CCZ1B: variants seen among roughly 807,000 people sequenced by gnomAD.
The protein encoded by CCZ1B is vacuolar fusion protein CCZ1 homolog B.
A neutral mutation model predicts 58.8 loss-of-function variants in CCZ1B; 25 were observed. The observed-to-expected ratio is 0.43, with a 90% confidence interval of 0.31 to 0.59. CCZ1B has a LOEUF of 0.59. CCZ1B is among the 20% of genes least tolerant of loss of function. The pLI is 0.12. For missense variants in CCZ1B, 180 were observed against 501.5 expected, an observed-to-expected ratio of 0.36 and a Z score of 6.12; for synonymous variants, 66 against 173.2, an observed-to-expected ratio of 0.38 and a Z score of 4.86.
At position 6,817,908 on chromosome 7, in the gene CCZ1B, G is replaced by T. The variant is rs1181518620; in HGVS notation, c.698+1858C>A. ...AATCCCAGCTACTCGGGAGGCTGAG[G>T]CAGGAGAATTGCTTGAACCCAGGAG... On this transcript the variant is annotated intron_variant, in intron 7 of 14. Transcript: ENST00000316731. Among the ~76,000 whole-genome samples, 12 of 148,966 alleles carry T rather than the reference G, an allele frequency of 8.1e-5. 1 individual carries two copies. The highest frequency in any genetic ancestry group is 1.6e-4 in the Non-Finnish European group (11 of 67,566).
intron 10 of CCZ1B, among the ~76,000 whole-genome samples, chr7:6,809,559 T>A (rs1281549756): frequency 2.1e-5 from 3 of 139,806 alleles, no homozygotes; most frequent in Non-Finnish European, 4.5e-5. Flanking sequence ...TCTCAAACTT[T>A]CACTCGATAC....
In CCZ1B at chr7:6,816,309, G is replaced by A. The variant is rs576687156; in HGVS notation, c.699-1464C>T. Among the ~76,000 whole-genome samples, 47 of 149,114 alleles carry A rather than the reference G, an allele frequency of 3.2e-4. 2 individuals carry two copies. The highest frequency in any genetic ancestry group is 1.8e-3 in the Admixed American group (27 of 14,970). Reference sequence around the variant, plus strand: ...AGCCTGGCCAACATGGCAAAACACCGTCTCTACTAAAAAATATAAAAATTT... The same window carrying A: ...AGCCTGGCCAACATGGCAAAACACCATCTCTACTAAAAAATATAAAAATTT... On this transcript the variant is annotated intron_variant, in intron 7 of 14. Transcript: ENST00000316731.
In CCZ1B at chr7:6,812,874, C is replaced by G. The variant is rs187326265; in HGVS notation, c.842+102G>C. On this transcript the variant is annotated intron_variant, in intron 9 of 14. Transcript: ENST00000316731. ...CCGGGGAGGCAGAGGTTGCAGTGAG[C>G]GGAGATCTTGCCACTGCTCTCCAGC... 509 of 1,543,064 alleles carry G rather than the reference C, an allele frequency of 3.3e-4. 17 individuals are homozygous for G. In the Admixed American group the frequency reaches 9.8e-3, roughly 30 times the overall value.
At chr7:6,822,948 C>T (rs1460068201) in intron 5 of CCZ1B, among the ~76,000 whole-genome samples, 1 of 146,094 alleles carries the variant, frequency 6.8e-6, no homozygotes, top group Non-Finnish European at 1.5e-5. Flanking sequence ...TCAAGCAATC[C>T]TCCCACCTTA....
At chr7:6,814,006 C>T (rs1318163793) in intron 8 of CCZ1B, among the ~76,000 whole-genome samples, 1 of 147,400 alleles carries the variant, frequency 6.8e-6, no homozygotes, top group Non-Finnish European at 1.5e-5. Context: ...ATTAGCCAGG[C>T]ATGGTGGCAG....
Position 6,813,437 on chromosome 7 carries a change from G to A in CCZ1B, c.781-400C>T, listed in dbSNP as rs185690932. 2.0e-5 allele frequency among the ~76,000 whole-genome samples: 3 copies of A among 149,432 alleles called. 1 individual carries two copies. Among genetic ancestry groups the A allele is most frequent in the African/African-American group, 5.0e-5 (2 of 39,618 alleles). ...CCCATCTCTACAAAAAATTAACCAG[G>A]TGTGGTGGCACACACCTGTAGTCTC... On this transcript the variant is annotated intron_variant, in intron 8 of 14. Coordinates refer to ENST00000316731, the MANE Select transcript of CCZ1B (RefSeq NM_198097.5).
intron 7 of CCZ1B, 94 bp from the exon 8 acceptor site, chr7:6,814,939 T>C: frequency 3.2e-6 from 3 of 943,480 alleles, no homozygotes; most frequent in Middle Eastern, 2.3e-4. Flanking sequence ...AATTTTTTTT[T>C]CAAGTCATTT....
chr7:6,804,947 C>G lies in CCZ1B; in HGVS notation c.1097G>C (p.Arg366Thr). The stretch of plus-strand genomic sequence containing the variant: ...AAAGCAAAGTACAAACCCAGACATC[C>G]TCTTGTTGATGTTAAACTGTTCACA... ...DICEQFNINK[R>T]MSGSEKEPQF... Residue 366 changes from arginine to threonine, a missense_variant, in exon 12 of 15, where the codon AGG becomes ACG. Coordinates refer to ENST00000316731, the MANE Select transcript of CCZ1B (RefSeq NM_198097.5). The G allele has an allele frequency of 7.1e-7, 1 of 1,412,464 alleles. No individual in the cohort carries two copies. The highest frequency in any genetic ancestry group is 2.4e-5 in the Admixed American group (1 of 40,986). 87.5% of individuals were successfully genotyped at this position (1,412,464 alleles called of 1,614,324 possible).
intron 9 of CCZ1B, chr7:6,812,614 C>T (rs1782934460): frequency 2.6e-6 from 1 of 388,264 alleles, no homozygotes; most frequent in Non-Finnish European, 4.8e-6. Context: ...TTTCAATGTC[C>T]ATATTATCTT....
rs1562431442 is a variant in CCZ1B, at chr7:6,818,682, A to AAAGAAAGAAAGAAAGAC, written c.698+1083_698+1084insGTCTTTCTTTCTTTCTT. Among the ~76,000 whole-genome samples the AAAGAAAGAAAGAAAGAC allele has an allele frequency of 8.4e-4, 66 of 78,788 alleles. 4 individuals carry two copies. The highest frequency in any genetic ancestry group is 3.6e-3 in the African/African-American group (62 of 17,456). 51.7% of individuals were successfully genotyped at this position (78,788 alleles called of 152,430 possible). On this transcript the variant is annotated intron_variant, in intron 7 of 14. Coordinates refer to ENST00000316731, the MANE Select transcript of CCZ1B (RefSeq NM_198097.5). ...GAAAGACAGACAGAAAGAAAGAAAGAAAGAAAGAAAGACAAGAAAGAAAGA... is the reference window on the plus strand; with the variant it reads ...GAAAGACAGACAGAAAGAAAGAAAGAAAGAAAGAAAGAAAGACAAGAAAGAAAGACAAGAAAGAAAGA...
chr7:6,812,105 A>C (rs1346098912), intron 9 of CCZ1B, 42 bp from the exon 10 acceptor site: 3 of 849,224 alleles, frequency 3.5e-6, no homozygotes, highest in South Asian at 1.5e-5. Context: ...AACGAGGTGA[A>C]GGAGAATCAG....
chr7:6,814,628 A>G, intron 8 of CCZ1B, 136 bp downstream of exon 8: 3 of 674,818 alleles, frequency 4.4e-6, no homozygotes, highest in African/African-American at 1.9e-5. Context: ...ATTGATATAC[A>G]GTGACATAAA....
At chr7:6,804,595 G>A (rs1782810015) in intron 12 of CCZ1B, among the ~76,000 whole-genome samples, 1 of 94,102 alleles carries the variant, frequency 1.1e-5, no homozygotes, top group African/African-American at 4.3e-5. Flanking sequence ...CACACAACGA[G>A]AGGCAAAATG....
In CCZ1B at chr7:6,824,713, G is replaced by A; in HGVS notation, c.145C>T (p.His49Tyr). Residue 49 changes from histidine to tyrosine, a missense_variant, in exon 2 of 15, where the codon CAT (histidine) becomes TAT (tyrosine). Physicochemically the swap from His to Tyr is moderately conservative, Grantham distance 83. Coordinates refer to ENST00000316731, the MANE Select transcript of CCZ1B (RefSeq NM_198097.5). ...GQEENKILFY[H>Y]PNEVEKNEKI... is the part of the protein sequence containing the mutation. ...TCATTCTTTTCTACCTCATTTGGATGATAAAATAAAATCTTATTTTCCTCC... is the reference window on the plus strand; with the variant it reads ...TCATTCTTTTCTACCTCATTTGGATAATAAAATAAAATCTTATTTTCCTCC... 6.3e-7 allele frequency: 1 copy of A among 1,599,904 alleles called. No homozygotes were observed.
intron 12 of CCZ1B, among the ~76,000 whole-genome samples, chr7:6,803,759 C>T (rs1228115421): frequency 1.3e-5 from 2 of 150,418 alleles, no homozygotes; most frequent in African/African-American, 4.9e-5. Flanking sequence ...GTCAGGAGTT[C>T]GAGACCAGTC....
chr7:6,817,597 C>T (rs1270943539), intron 7 of CCZ1B, among the ~76,000 whole-genome samples: 1 of 149,852 alleles, frequency 6.7e-6, no homozygotes, highest in Non-Finnish European at 1.5e-5. Context: ...GCACAACTAG[C>T]CTCCCATCTC....
intron 14 of CCZ1B, among the ~76,000 whole-genome samples, chr7:6,799,668 A>C (rs1216214878): frequency 3.8e-5 from 1 of 26,218 alleles, no homozygotes; most frequent in Non-Finnish European, 6.1e-5. Flanking sequence ...AAGTGCTGGG[A>C]TTACAGGCAT....
At chr7:6,803,536 TAAAAAC>T (rs756773575) in intron 12 of CCZ1B, among the ~76,000 whole-genome samples, 2 of 96,694 alleles carry the variant, frequency 2.1e-5, no homozygotes, top group African/African-American at 4.0e-5. Flanking sequence ...TCTCAAAAAA[TAAAAAC>T]AAAAAGCAAC....
At chr7:6,814,338 C>G (rs1782964211) in intron 8 of CCZ1B, among the ~76,000 whole-genome samples, 2 of 149,154 alleles carry the variant, frequency 1.3e-5, no homozygotes, top group African/African-American at 5.1e-5. Context: ...AGTTCGAGAC[C>G]AGCCTGGCCA....
Sources: allele counts gnomAD v4.1 joint callset (sites outside exome capture counted in the v4.1 genomes callset), GRCh38; gene constraint gnomAD v4.1.1; transcripts MANE v1.5; gene names NCBI Gene and HGNC (gene_info 2026-07-23, HGNC 2026-07-21).